Variants in HECW1 observed in about 807,000 individuals in gnomAD.
HECW1 encodes E3 ubiquitin-protein ligase HECW1.
Under a neutral mutation model 182.3 loss-of-function variants are expected in HECW1, and 61 were observed. The observed-to-expected ratio is 0.33, with a 90% CI of 0.27 to 0.41. The LOEUF is 0.41. Among genes scored for constraint, HECW1 ranks in the 10% least tolerant of loss-of-function variants. The pLI is 1.00. For synonymous variants in HECW1, 859 were observed against 832.6 expected (o/e 1.03, Z -0.55); for missense variants, 1,739 against 2,108.9 (o/e 0.82, Z 3.44).
intron 2 of HECW1, among the ~76,000 whole-genome samples, chr7:43,159,896 G>T (rs1027920589): frequency 6.6e-6 from 1 of 152,024 alleles, no homozygotes; most frequent in South Asian, 2.1e-4. Flanking sequence ...AGCCAGGATG[G>T]TCTCGATGTC....
chr7:43,238,852 A>G (rs1354083505), intron 2 of HECW1, among the ~76,000 whole-genome samples: 6 of 152,114 alleles, frequency 3.9e-5, no homozygotes, highest in Non-Finnish European at 7.3e-5. Flanking sequence ...TTTGGAAGGC[A>G]TTGTAAGTCA....
intron 3 of HECW1, among the ~76,000 whole-genome samples, chr7:43,264,735 T>C (rs1801578556): frequency 6.6e-6 from 1 of 150,862 alleles, no homozygotes. Flanking sequence ...TCTCAGTTAC[T>C]CCGGTGGCTG....
intron 2 of HECW1, among the ~76,000 whole-genome samples, chr7:43,138,116 A>T (rs1787768349): frequency 6.6e-6 from 1 of 152,104 alleles, no homozygotes; most frequent in African/African-American, 2.4e-5. Context: ...TAACCCTCGA[A>T]TTTTTTTCTC....
Position 43,385,280 on chromosome 7 carries a change from TCTCCCCTCCCCTCCCC to T in HECW1, c.556-11533_556-11518del, listed in dbSNP as rs1562917842. ...CCCTCCCCTCTCCCCTCCCCTCCCCTCTCCCCTCCCCTCCCCTCTCCCCTCCCCTCCTGCGTACTGA... is the reference window on the plus strand; with the variant it reads ...CCCTCCCCTCTCCCCTCCCCTCCCCTTCTCCCCTCCCCTCCTGCGTACTGA... On this transcript the variant is annotated intron_variant, in intron 6 of 29. Transcript: ENST00000395891. Among the ~76,000 whole-genome samples, 34 of 32,380 alleles carry T rather than the reference TCTCCCCTCCCCTCCCC, an allele frequency of 1.1e-3. 1 individual carries two copies. The highest frequency in any genetic ancestry group is 4.2e-3 in the African/African-American group (32 of 7,556). The allele number at this position is 32,380 out of a possible 152,430, so 21.2% of individuals were successfully genotyped here. A position where few individuals can be genotyped will look rare whatever the true frequency, so the allele number is the denominator to read the frequency against.
rs1281920214 is a variant in HECW1 at position 43,554,622 on chromosome 7, G to A, written c.4541G>A (p.Trp1514Ter). The change falls in exon 29 of 30, where the codon TGG (tryptophan) becomes TAG (stop). Residue 1514 changes from tryptophan to a stop codon, truncating the protein, a stop_gained. Transcript: ENST00000395891. LOFTEE classifies it high-confidence loss of function. ...GYHDGHLVIRWFWAAVERFNN... is the reference protein window; with the variant it reads ...GYHDGHLVIR Reference sequence around the variant, plus strand: ...CACGATGGGCATCTTGTGATCCGCTGGTTCTGGGCTGCGGTGGAGCGCTTC... The same window carrying A: ...CACGATGGGCATCTTGTGATCCGCTAGTTCTGGGCTGCGGTGGAGCGCTTC... The A allele has an allele frequency of 6.2e-7, 1 of 1,613,426 alleles. No homozygotes were observed. Among genetic ancestry groups the A allele is most frequent in the Non-Finnish European group, 8.5e-7 (1 of 1,179,756 alleles).
chr7:43,341,670 A>G (rs1406553208), intron 5 of HECW1, among the ~76,000 whole-genome samples: 2 of 151,788 alleles, frequency 1.3e-5, no homozygotes, highest in South Asian at 2.1e-4. Flanking sequence ...AACATTTATG[A>G]CTTTTCCAGT....
chr7:43,406,881 T>A (rs541030708), intron 7 of HECW1, among the ~76,000 whole-genome samples: 17 of 152,300 alleles, frequency 1.1e-4, no homozygotes, highest in African/African-American at 4.1e-4. Context: ...ATCCCACCAC[T>A]GCACTTCAGC....
chr7:43,234,299 G>A (rs1283899726), intron 2 of HECW1, among the ~76,000 whole-genome samples: 1 of 152,118 alleles, frequency 6.6e-6, no homozygotes, highest in East Asian at 1.9e-4. Flanking sequence ...GCCCCTGCTC[G>A]CTGCCAGCCA....
At chr7:43,525,481 A>G (rs2080720107) in intron 24 of HECW1, among the ~76,000 whole-genome samples, 1 of 152,230 alleles carries the variant, frequency 6.6e-6, no homozygotes, top group African/African-American at 2.4e-5. Context: ...TGGAGGGTAA[A>G]GAGTTTGACA....
intron 2 of HECW1, among the ~76,000 whole-genome samples, chr7:43,210,477 G>GTGTGTGTGTGT (rs1554310102): frequency 6.6e-6 from 1 of 150,976 alleles, no homozygotes; most frequent in African/African-American, 2.4e-5. Flanking sequence ...GTGTGTGTGT[G>GTGTGTGTGTGT]GTATTGTTAC....
intron 5 of HECW1, among the ~76,000 whole-genome samples, chr7:43,349,036 T>C (rs1814053904): frequency 7.3e-6 from 1 of 136,068 alleles, no homozygotes; most frequent in South Asian, 2.3e-4. Context: ...TTTTGTTTTG[T>C]TTTGTTTTGT....
chr7:43,410,625 A>G (rs1029443687), intron 8 of HECW1, among the ~76,000 whole-genome samples: 2 of 152,230 alleles, frequency 1.3e-5, no homozygotes, highest in African/African-American at 2.4e-5. Context: ...AATGTTTGAT[A>G]TAATTTACCA....
In HECW1 at chr7:43,183,713, C is replaced by T. The variant is rs915874005; in HGVS notation, c.-31-60162C>T. 2.0e-5 allele frequency among the ~76,000 whole-genome samples: 3 copies of T among 152,066 alleles called. No homozygotes were observed. In the East Asian group the frequency reaches 5.8e-4, roughly 29 times the overall value. On this transcript the variant is annotated intron_variant, in intron 2 of 29. Coordinates refer to ENST00000395891, the MANE Select transcript of HECW1 (RefSeq NM_015052.5). Reference sequence around the variant, plus strand: ...TCAATCTATGGTTACAACTGATGAACGAGTATAATTCAAATTGAATGTTGT... The same window carrying T: ...TCAATCTATGGTTACAACTGATGAATGAGTATAATTCAAATTGAATGTTGT...
chr7:43,223,325 A>G (rs948786713), intron 2 of HECW1, among the ~76,000 whole-genome samples: 14 of 152,184 alleles, frequency 9.2e-5, no homozygotes, highest in Non-Finnish European at 1.8e-4. Context: ...GCCCATTAAA[A>G]CATTTGTCAA....
Position 43,552,082 on chromosome 7 carries a change from C to G in HECW1, c.4396-140C>G, listed in dbSNP as rs915557986. ...ACATTCAGATCATAGCAATAATTTT[C>G]AAGTTAAAAATGATTACAGACTCAA... On this transcript the variant is annotated intron_variant, in intron 27 of 29. Transcript: ENST00000395891. 94 of 634,902 alleles carry G rather than the reference C, an allele frequency of 1.5e-4. No homozygotes were observed. The South Asian group carries it at 1.6e-3, about 11-fold the overall frequency. The allele number at this position is 634,902 out of a possible 1,614,324, so 39.3% of individuals were successfully genotyped here. A position where few individuals can be genotyped will look rare whatever the true frequency, so the allele number is the denominator to read the frequency against.
In HECW1 at chr7:43,531,671, G is replaced by A. The variant is rs75794393; in HGVS notation, c.4020-9492G>A. ...CTTCCTCCCCTGCACCCCTAATGAA[G>A]ATTGCCAAAACCATCTGGTGACCTC... On this transcript the variant is annotated intron_variant, in intron 24 of 29. Coordinates refer to ENST00000395891, the MANE Select transcript of HECW1 (RefSeq NM_015052.5). 9.7e-3 allele frequency among the ~76,000 whole-genome samples: 1,478 copies of A among 152,178 alleles called. 70 individuals carry two copies. The highest frequency in any genetic ancestry group is 0.07 in the Admixed American group (1,071 of 15,276).
intron 7 of HECW1, 36 bp downstream of exon 7, chr7:43,396,925 T>TAA: frequency 1.4e-6 from 2 of 1,475,174 alleles, no homozygotes; most frequent in Non-Finnish European, 1.9e-6. Context: ...GTGGAGAGAC[T>TAA]AAGAATGTCA....
At position 43,264,467 on chromosome 7, in the gene HECW1, C is replaced by A. The variant is rs193021487; in HGVS notation, c.27+20535C>A. ...AATAGTATTCCATTTTCTATGTATA[C>A]CACACTGACTTTAGCCATAAATCTC... On this transcript the variant is annotated intron_variant, in intron 3 of 29. Coordinates refer to ENST00000395891, the MANE Select transcript of HECW1 (RefSeq NM_015052.5). Among the ~76,000 whole-genome samples, 4 of 152,230 alleles carry A rather than the reference C, an allele frequency of 2.6e-5. No individual in the cohort carries two copies. The East Asian group carries it at 7.7e-4, about 29-fold the overall frequency.
At chr7:43,332,898 A>G (rs1811676670) in intron 5 of HECW1, among the ~76,000 whole-genome samples, 1 of 152,090 alleles carries the variant, frequency 6.6e-6, no homozygotes, top group African/African-American at 2.4e-5. Flanking sequence ...CCTTTTTGTT[A>G]ATGAGAAACC....
Sources: allele counts gnomAD v4.1 joint callset (sites outside exome capture counted in the v4.1 genomes callset), GRCh38; gene constraint gnomAD v4.1.1; transcripts MANE v1.5; gene names NCBI Gene and HGNC (gene_info 2026-07-23, HGNC 2026-07-21).